The following DNAH6 variants were observed in gnomAD, a reference collection of about 807,000 sequenced individuals.
The protein encoded by DNAH6 is dynein axonemal heavy chain 6.
A neutral mutation model predicts 491.4 loss-of-function variants in DNAH6; 340 were observed. That is an observed-to-expected ratio of 0.69 (90% CI 0.63 to 0.76). DNAH6 has a LOEUF of 0.76. Among genes scored for constraint, DNAH6 ranks in the 30% least tolerant of loss-of-function variants. The pLI, the probability that DNAH6 is intolerant of heterozygous loss-of-function variation, is 0.00. For synonymous variants in DNAH6, 1,603 were observed against 1,686.1 expected, an observed-to-expected ratio of 0.95 and a Z score of 1.21; for missense variants, 4,443 against 4,972.2, an observed-to-expected ratio of 0.89 and a Z score of 3.20.
chr2:84,570,843 T>C (rs749022583), intron 11 of DNAH6, among the ~76,000 whole-genome samples: 1 of 152,198 alleles, frequency 6.6e-6, no homozygotes, highest in Non-Finnish European at 1.5e-5. Flanking sequence ...TGCTGCTCAC[T>C]CTTGGGTCCG....
At chr2:84,580,316 G>GCA (rs36209367) in intron 14 of DNAH6, among the ~76,000 whole-genome samples, 395 of 149,282 alleles carry the variant, frequency 2.6e-3, no homozygotes, top group African/African-American at 7.8e-3. Context: ...ACATACACAC[G>GCA]CACACACACA....
intron 64 of DNAH6, among the ~76,000 whole-genome samples, chr2:84,775,456 T>C (rs1264267223): frequency 6.6e-6 from 1 of 152,190 alleles, no homozygotes; most frequent in Non-Finnish European, 1.5e-5. Flanking sequence ...ATCATAGATA[T>C]TGGCCTGACG....
At chr2:84,662,482 C>T (rs891219873) in intron 37 of DNAH6, among the ~76,000 whole-genome samples, 3 of 152,058 alleles carry the variant, frequency 2.0e-5, no homozygotes, top group Admixed American at 6.5e-5. Flanking sequence ...GAGGGTCCCA[C>T]GCCCACAGAT....
At chr2:84,503,587 T>C in the DNAH6 span, among the ~76,000 whole-genome samples, 7 of 152,152 alleles carry the variant, frequency 4.6e-5, no homozygotes, top group Non-Finnish European at 7.4e-5. Context: ...CTGGTGATGA[T>C]GAAATCCCTC....
intron 75 of DNAH6, among the ~76,000 whole-genome samples, chr2:84,814,468 C>T (rs912827527): frequency 6.6e-6 from 1 of 152,092 alleles, no homozygotes; most frequent in Non-Finnish European, 1.5e-5. Context: ...TACCTTTCAC[C>T]AGCTGCATGT....
rs537584004 is a variant in DNAH6 at position 84,546,113 on chromosome 2, C to T, written c.931-1155C>T. Among the ~76,000 whole-genome samples, 7 of 152,258 alleles carry T rather than the reference C, an allele frequency of 4.6e-5. No homozygotes were observed. The East Asian group carries it at 1.4e-3, about 29-fold the overall frequency. ...CCCTTCCCCCAACTATAGGCAACCACTAATCTACTTTCTATCTCCATAGAG... is the reference window on the plus strand; with the variant it reads ...CCCTTCCCCCAACTATAGGCAACCATTAATCTACTTTCTATCTCCATAGAG... On this transcript the variant is annotated intron_variant, in intron 5 of 76. Coordinates refer to ENST00000389394, the MANE Select transcript of DNAH6 (RefSeq NM_001370.2).
the DNAH6 span, among the ~76,000 whole-genome samples, chr2:84,472,118 GTTGATCT>G: frequency 6.6e-6 from 1 of 151,976 alleles, no homozygotes; most frequent in East Asian, 1.9e-4. Flanking sequence ...GCAGTTATGG[GTTGATCT>G]TTTTGTAAAT....
intron 22 of DNAH6, among the ~76,000 whole-genome samples, chr2:84,616,212 G>A (rs1187639529): frequency 6.6e-6 from 1 of 152,096 alleles, no homozygotes; most frequent in African/African-American, 2.4e-5. Context: ...TTGTTCTAGG[G>A]TATAGTTTAA....
chr2:84,646,525 A>G (rs1019921354), intron 33 of DNAH6, among the ~76,000 whole-genome samples: 1 of 152,262 alleles, frequency 6.6e-6, no homozygotes, highest in South Asian at 2.1e-4. Flanking sequence ...GTGAATGCAA[A>G]GGAAAAGATA....
Position 84,727,827 on chromosome 2 carries a change from G to C in DNAH6, c.10131G>C (p.Glu3377Asp). The C allele has an allele frequency of 3.9e-6, 6 of 1,552,150 alleles. No individual in the cohort carries two copies. The highest frequency in any genetic ancestry group is 5.2e-6 in the Non-Finnish European group (6 of 1,147,062). The change falls in exon 61 of 77, where the codon GAG (glutamate) becomes GAC (aspartate). Residue 3377 changes from glutamate (E) to aspartate (D), a missense_variant. Glu to Asp is a conservative substitution (Grantham distance 45, BLOSUM62 2). Transcript: ENST00000389394. Reference protein sequence around the residue: ...KLIYSFMLCVEMMRQQGTLSD... With the variant: ...KLIYSFMLCVDMMRQQGTLSD... ...TCTACAGCTTTATGCTTTGTGTTGA[G>C]ATGATGCGTCAGCAAGGAACCCTAT...
At chr2:84,496,329 C>T in the DNAH6 span, among the ~76,000 whole-genome samples, 11 of 152,098 alleles carry the variant, frequency 7.2e-5, no homozygotes, top group African/African-American at 2.7e-4. Flanking sequence ...CACAGAATAG[C>T]AAAGGGCATC....
chr2:84,491,972 A>T, the DNAH6 span, among the ~76,000 whole-genome samples: 3 of 152,168 alleles, frequency 2.0e-5, no homozygotes, highest in Non-Finnish European at 4.4e-5. Flanking sequence ...CGCCGGTCAG[A>T]TTCCGCCGAG....
intron 33 of DNAH6, among the ~76,000 whole-genome samples, chr2:84,650,175 G>A (rs1690305188): frequency 6.6e-6 from 1 of 151,902 alleles, no homozygotes; most frequent in Admixed American, 6.6e-5. Context: ...TAAATCTGTA[G>A]GTTCATGCTT....
chr2:84,514,867 TCACACACACA>T (rs58335460), upstream of DNAH6, among the ~76,000 whole-genome samples: 1 of 139,006 alleles, frequency 7.2e-6, no homozygotes, highest in South Asian at 2.4e-4. Context: ...TTCACCACAG[TCACACACACA>T]CACACACACA....
intron 37 of DNAH6, among the ~76,000 whole-genome samples, chr2:84,665,804 A>G (rs1007951553): frequency 6.6e-6 from 1 of 152,182 alleles, no homozygotes; most frequent in Non-Finnish European, 1.5e-5. Flanking sequence ...ACAAAAAAAG[A>G]GAATTTTAGA....
At chr2:84,802,564 T>A (rs1186141454) in intron 70 of DNAH6, among the ~76,000 whole-genome samples, 1 of 151,948 alleles carries the variant, frequency 6.6e-6, no homozygotes, top group Non-Finnish European at 1.5e-5. Context: ...TAATTACTTC[T>A]ACCTAAGAAA....
At chr2:84,767,206 T>C (rs1675154931) in intron 64 of DNAH6, among the ~76,000 whole-genome samples, 1 of 152,138 alleles carries the variant, frequency 6.6e-6, no homozygotes, top group African/African-American at 2.4e-5. Context: ...TGGCAGACAA[T>C]TTAAATTACT....
At chr2:84,533,944 A>T (rs1000255403) in intron 4 of DNAH6, among the ~76,000 whole-genome samples, 6 of 152,166 alleles carry the variant, frequency 3.9e-5, no homozygotes, top group South Asian at 2.1e-4. Flanking sequence ...AATTTTTTTT[A>T]AAAATTACAA....
the DNAH6 span, among the ~76,000 whole-genome samples, chr2:84,482,754 C>T: frequency 2.6e-5 from 4 of 152,294 alleles, no homozygotes; most frequent in Admixed American, 6.5e-5. Flanking sequence ...TTGGTCAACT[C>T]GTTCTTATTG....
Sources: gnomAD v4.1 joint callset for allele counts (sites outside exome capture counted in the v4.1 genomes callset) on GRCh38, gnomAD v4.1.1 for gene constraint, MANE v1.5 for transcripts, NCBI Gene and HGNC (gene_info 2026-07-23, HGNC 2026-07-21) for gene names.